The following NELL1 variants were observed in gnomAD, a reference collection of about 807,000 sequenced individuals.
NELL1 encodes neural EGFL like 1.
Under a neutral mutation model 107.4 loss-of-function variants are expected in NELL1, and 76 were observed. That is an observed-to-expected ratio of 0.71 (90% CI 0.59 to 0.86). The LOEUF (loss-of-function observed/expected upper bound fraction) is 0.86, where lower values mean the gene tolerates loss of function less well. Among genes scored for constraint, NELL1 ranks in the 40% least tolerant of loss-of-function variants. The pLI, the probability that NELL1 is intolerant of heterozygous loss-of-function variation, is 0.00. For missense variants in NELL1, 1,024 were observed against 1,005.5 expected (o/e 1.02, Z -0.25); for synonymous variants, 353 against 341.2 (o/e 1.03, Z -0.38).
chr11:21,446,145 A>G (rs1164859342), intron 15 of NELL1, among the ~76,000 whole-genome samples: 1 of 151,898 alleles, frequency 6.6e-6, no homozygotes, highest in East Asian at 1.9e-4. Context: ...TGCATTCTTC[A>G]GTATGTTAAT....
In NELL1 at chr11:21,362,182, A is replaced by G. The variant is rs116001656; in HGVS notation, c.1550-8671A>G. Among the ~76,000 whole-genome samples the G allele has an allele frequency of 2.5e-3, 388 of 152,258 alleles. 1 individual carries two copies. Among genetic ancestry groups the G allele is most frequent in the African/African-American group, 8.3e-3 (343 of 41,550 alleles). On this transcript the variant is annotated intron_variant, in intron 14 of 19. Transcript: ENST00000357134. ...TGTTCAGATTCTCTTGTGCCAGAGG[A>G]TGATCCCCTGATATAATGCTCTCCC...
At chr11:20,816,164 T>A (rs1237794118) in intron 3 of NELL1, among the ~76,000 whole-genome samples, 3 of 152,288 alleles carry the variant, frequency 2.0e-5, no homozygotes, top group Admixed American at 6.5e-5. Context: ...TGAATTTTAG[T>A]AATTTTTTTC....
intron 2 of NELL1, among the ~76,000 whole-genome samples, chr11:20,694,337 G>A (rs1219736586): frequency 2.0e-5 from 3 of 152,034 alleles, no homozygotes; most frequent in Non-Finnish European, 4.4e-5. Context: ...TAAATTCTTT[G>A]TCAAAGCTGT....
chr11:21,061,990 A>G (rs1170020846), intron 12 of NELL1, among the ~76,000 whole-genome samples: 2 of 152,190 alleles, frequency 1.3e-5, no homozygotes, highest in Non-Finnish European at 2.9e-5. Context: ...GACTTGCCTC[A>G]GACCATACAT....
At chr11:21,233,398 T>G (rs1435854526) in intron 14 of NELL1, among the ~76,000 whole-genome samples, 2 of 152,182 alleles carry the variant, frequency 1.3e-5, no homozygotes, top group African/African-American at 4.8e-5. Context: ...TTTCCTCCTT[T>G]TCTTTGTCCT....
At chr11:21,460,536 A>G (rs1853874510) in intron 15 of NELL1, among the ~76,000 whole-genome samples, 1 of 152,134 alleles carries the variant, frequency 6.6e-6, no homozygotes, top group Non-Finnish European at 1.5e-5. Flanking sequence ...TTCTTTTCTG[A>G]CATGAATTGG....
At chr11:20,980,473 A>C (rs938381832) in intron 12 of NELL1, among the ~76,000 whole-genome samples, 36 of 152,088 alleles carry the variant, frequency 2.4e-4, no homozygotes, top group African/African-American at 8.7e-4. Flanking sequence ...CTTCTCTAAG[A>C]CCTCTTCTGG....
intron 12 of NELL1, among the ~76,000 whole-genome samples, chr11:20,978,039 T>C (rs1156392774): frequency 6.6e-6 from 1 of 152,220 alleles, no homozygotes; most frequent in Non-Finnish European, 1.5e-5. Flanking sequence ...TAAGAGAGAA[T>C]TGAGACTCAC....
chr11:21,336,388 G>A lies in NELL1; in HGVS notation c.1550-34465G>A, dbSNP rs372327123. Among the ~76,000 whole-genome samples, 279 of 151,984 alleles carry A rather than the reference G, an allele frequency of 1.8e-3. 9 individuals are homozygous for A. The South Asian group carries it at 0.054, about 29-fold the overall frequency. On this transcript the variant is annotated intron_variant, in intron 14 of 19. Coordinates refer to ENST00000357134, the MANE Select transcript of NELL1 (RefSeq NM_006157.5). The stretch of plus-strand genomic sequence containing the variant: ...TGAGGTTTGTAGAAATTTGTGGCTT[G>A]CCCAAGACAAAGTCAACAAGTGGGC...
At chr11:21,006,765 C>CA (rs1279196975) in intron 12 of NELL1, among the ~76,000 whole-genome samples, 4 of 152,058 alleles carry the variant, frequency 2.6e-5, no homozygotes, top group African/African-American at 4.8e-5. Flanking sequence ...GAGTTTTGAC[C>CA]ACTGTGATAC....
chr11:20,887,574 T>C (rs1209235847), intron 5 of NELL1, among the ~76,000 whole-genome samples: 2 of 152,134 alleles, frequency 1.3e-5, no homozygotes, highest in South Asian at 2.1e-4. Context: ...ATTTTTAAGG[T>C]AAAGCCAGTC....
At chr11:20,920,257 T>C (rs1286456931) in intron 7 of NELL1, among the ~76,000 whole-genome samples, 1 of 152,128 alleles carries the variant, frequency 6.6e-6, no homozygotes, top group African/African-American at 2.4e-5. Flanking sequence ...ATGAAAATGA[T>C]ACATTAATCC....
At chr11:21,441,332 TGTGTGTGTGTGTGTGTGTGTGTGTGTGTG>T (rs1853279485) in intron 15 of NELL1, among the ~76,000 whole-genome samples, 2 of 104,196 alleles carry the variant, frequency 1.9e-5, no homozygotes, top group Non-Finnish European at 5.2e-5. Context: ...GGCTGTGACG[TGTGTGTGTGTGTGTGTGTGTGTGTGTGTG>T]TGTGTGTGTG....
At chr11:20,754,105 G>T (rs747227799) in intron 2 of NELL1, among the ~76,000 whole-genome samples, 52 of 152,116 alleles carry the variant, frequency 3.4e-4, no homozygotes, top group Non-Finnish European at 6.3e-4. Context: ...GGCTGAAAGT[G>T]GGTGAGTGGT....
chr11:21,172,392 C>A (rs7948030), intron 13 of NELL1, among the ~76,000 whole-genome samples: 68,905 of 151,560 alleles, frequency 0.45, 16,201 homozygotes, highest in Middle Eastern at 0.5. Context: ...TTTAACCAGC[C>A]AGGCCCAAGG....
At chr11:20,721,902 G>T (rs1253020962) in intron 2 of NELL1, among the ~76,000 whole-genome samples, 1 of 152,110 alleles carries the variant, frequency 6.6e-6, no homozygotes, top group Admixed American at 6.5e-5. Flanking sequence ...AGAGTTCTTG[G>T]CAGAGGGGGA....
At chr11:21,427,384 T>A (rs1453268591) in intron 15 of NELL1, among the ~76,000 whole-genome samples, 1 of 152,144 alleles carries the variant, frequency 6.6e-6, no homozygotes, top group Non-Finnish European at 1.5e-5. Context: ...AAGGGGAAAG[T>A]CTTTGTTGTA....
At chr11:21,296,970 C>G (rs916093603) in intron 14 of NELL1, among the ~76,000 whole-genome samples, 4 of 150,698 alleles carry the variant, frequency 2.7e-5, no homozygotes, top group Admixed American at 6.6e-5. Flanking sequence ...TAATATATTC[C>G]TTAAAGTTAT....
chr11:20,792,275 CTTCAAT>C (rs1023807090), intron 3 of NELL1, among the ~76,000 whole-genome samples: 10 of 151,906 alleles, frequency 6.6e-5, no homozygotes, highest in African/African-American at 2.4e-4. Flanking sequence ...TTTTTCCTTT[CTTCAAT>C]TTCAATATTT....
Sources: allele counts gnomAD v4.1 joint callset (sites outside exome capture counted in the v4.1 genomes callset), GRCh38; gene constraint gnomAD v4.1.1; transcripts MANE v1.5; gene names NCBI Gene and HGNC (gene_info 2026-07-23, HGNC 2026-07-21).